KIF16B: variants seen among roughly 807,000 people sequenced by gnomAD.
KIF16B encodes the protein kinesin family member 16B, also known as kinesin-like protein KIF16B.
In KIF16B, 98 loss-of-function variants were observed where a neutral mutation model predicts 156.3. That is an observed-to-expected ratio of 0.63 (90% confidence interval 0.53 to 0.74). The LOEUF (loss-of-function observed/expected upper bound fraction) is 0.74, where lower values mean the gene tolerates loss of function less well. Among genes scored for constraint, KIF16B ranks in the 30% least tolerant of loss-of-function variants. The pLI, the probability that KIF16B is intolerant of heterozygous loss-of-function variation, is 0.00. For missense variants in KIF16B, 1,421 were observed against 1,606.5 expected (o/e 0.88, Z 1.97); for synonymous variants, 564 against 583.7 (o/e 0.97, Z 0.49).
At chr20:16,538,088 A>G (rs2070050738) in intron 1 of KIF16B, among the ~76,000 whole-genome samples, 1 of 152,024 alleles carries the variant, frequency 6.6e-6, no homozygotes, top group Non-Finnish European at 1.5e-5. Context: ...ACACCCCCTC[A>G]TACACCTACC....
rs900146565 is a variant in KIF16B, at chr20:16,463,322, A to T, written c.1302+30969T>A. On this transcript the variant is annotated intron_variant, in intron 12 of 25. Coordinates refer to ENST00000354981, the MANE Select transcript of KIF16B (RefSeq NM_024704.5). ...AATGATGCTGCTTCAGAACCACAAA[A>T]CATGTTGAAGGCAGTTTCCTTATTT... 2.6e-5 allele frequency among the ~76,000 whole-genome samples: 4 copies of T among 152,168 alleles called. No homozygotes were observed. The East Asian group carries it at 7.7e-4, about 29-fold the overall frequency.
intron 1 of KIF16B, among the ~76,000 whole-genome samples, chr20:16,572,273 G>A (rs1346464938): frequency 6.6e-6 from 1 of 152,188 alleles, no homozygotes; most frequent in African/African-American, 2.4e-5. Context: ...TTGATTTTAT[G>A]GCCTTCGGCT....
At position 16,379,348 on chromosome 20, in the gene KIF16B, A is replaced by G. The variant is rs1290460524; in HGVS notation, c.2654T>C (p.Val885Ala). 5.0e-6 allele frequency: 8 copies of G among 1,604,196 alleles called. No homozygotes were observed. Among genetic ancestry groups the G allele is most frequent in the Non-Finnish European group, 6.8e-6 (8 of 1,176,058 alleles). Residue 885 changes from valine (V) to alanine (A), a missense_variant, in exon 19 of 26, where the codon GTC becomes GCC. Transcript: ENST00000354981. ...LEKHDESVTD[V>A]TEVPQDFEKI... Reference sequence around the variant, plus strand: ...CTCGAAATCTTGAGGCACTTCCGTGACATCTGTGACACTCTCATCATGTTT... The same window carrying G: ...CTCGAAATCTTGAGGCACTTCCGTGGCATCTGTGACACTCTCATCATGTTT...
In KIF16B at chr20:16,288,664, G is replaced by T. The variant is rs564914130; in HGVS notation, c.3796-15253C>A. Among the ~76,000 whole-genome samples, 38 of 150,152 alleles carry T rather than the reference G, an allele frequency of 2.5e-4. 1 individual carries two copies. Among genetic ancestry groups the T allele is most frequent in the African/African-American group, 8.8e-4 (36 of 40,724 alleles). On this transcript the variant is annotated intron_variant, in intron 25 of 25. Transcript: ENST00000354981. ...AAACACAGTATGTACTGATGATAAG[G>T]TTATTGGGATCCCATCATAAGTGGA...
chr20:16,392,365 G>A (rs1205164089), intron 17 of KIF16B, among the ~76,000 whole-genome samples: 1 of 152,172 alleles, frequency 6.6e-6, no homozygotes, highest in African/African-American at 2.4e-5. Flanking sequence ...AAATTATCCT[G>A]AAAAACCATT....
chr20:16,568,756 T>C (rs998679371), intron 1 of KIF16B, among the ~76,000 whole-genome samples: 4 of 135,690 alleles, frequency 2.9e-5, no homozygotes, highest in African/African-American at 1.1e-4. Context: ...AGGTTGAGGC[T>C]TCAGTGAGCC....
intron 17 of KIF16B, among the ~76,000 whole-genome samples, chr20:16,397,899 C>A (rs1056186229): frequency 6.6e-6 from 1 of 152,220 alleles, no homozygotes; most frequent in Non-Finnish European, 1.5e-5. Flanking sequence ...GCTGAGAGCA[C>A]ATGTGCTGGC....
At chr20:16,323,783 T>C (rs2063804421) in intron 24 of KIF16B, among the ~76,000 whole-genome samples, 1 of 151,866 alleles carries the variant, frequency 6.6e-6, no homozygotes, top group African/African-American at 2.4e-5. Context: ...CAGCCAGTGA[T>C]TAAAGTCAGA....
intron 7 of KIF16B, 118 bp downstream of exon 7, chr20:16,507,840 A>C (rs1429320046): frequency 9.6e-7 from 1 of 1,036,376 alleles, no homozygotes; most frequent in African/African-American, 1.6e-5. Context: ...AGAAAATGAC[A>C]GTCAGTCACC....
At chr20:16,292,554 C>A (rs2063328902) in intron 25 of KIF16B, among the ~76,000 whole-genome samples, 1 of 152,012 alleles carries the variant, frequency 6.6e-6, no homozygotes, top group Admixed American at 6.6e-5. Context: ...ATTTGGAAAA[C>A]AAGTCTGAAA....
Position 16,549,143 on chromosome 20 carries a change from A to T in KIF16B, c.48-20703T>A, listed in dbSNP as rs548446836. On this transcript the variant is annotated intron_variant, in intron 1 of 25. Coordinates refer to ENST00000354981, the MANE Select transcript of KIF16B (RefSeq NM_024704.5). ...CCATGCTGGTGCACTGCACCCACTAACTCGTCATCTAGCATTAGGTATATC... is the reference window on the plus strand; with the variant it reads ...CCATGCTGGTGCACTGCACCCACTATCTCGTCATCTAGCATTAGGTATATC... 3.4e-5 allele frequency among the ~76,000 whole-genome samples: 5 copies of T among 149,070 alleles called. No individual in the cohort carries two copies. In the East Asian group the frequency reaches 9.9e-4, roughly 30 times the overall value.
chr20:16,422,191 C>A (rs982155924), intron 15 of KIF16B, among the ~76,000 whole-genome samples: 1 of 152,070 alleles, frequency 6.6e-6, no homozygotes, highest in African/African-American at 2.4e-5. Flanking sequence ...TAAACAATTT[C>A]TTCTAACTAA....
intron 12 of KIF16B, among the ~76,000 whole-genome samples, chr20:16,489,831 T>C (rs1016197155): frequency 3.3e-5 from 5 of 151,706 alleles, no homozygotes; most frequent in Non-Finnish European, 7.4e-5. Flanking sequence ...AGCTCCCCGG[T>C]GATGTTGATG....
At chr20:16,353,452 C>A (rs2064378647) in intron 23 of KIF16B, among the ~76,000 whole-genome samples, 3 of 152,228 alleles carry the variant, frequency 2.0e-5, no homozygotes, top group African/African-American at 7.2e-5. Context: ...AGTAAACTCT[C>A]ACTCATCCCA....
intron 3 of KIF16B, among the ~76,000 whole-genome samples, chr20:16,525,595 T>C (rs2069510643): frequency 6.6e-6 from 1 of 152,238 alleles, no homozygotes; most frequent in South Asian, 2.1e-4. Flanking sequence ...AATTCCAGCA[T>C]CATTCTAGAC....
chr20:16,570,660 G>T (rs561839202), intron 1 of KIF16B, among the ~76,000 whole-genome samples: 3 of 152,148 alleles, frequency 2.0e-5, no homozygotes, highest in Admixed American at 6.5e-5. Flanking sequence ...CTGTTGGGAA[G>T]GTTATCAACT....
At chr20:16,419,553 C>G (rs990716785) in intron 15 of KIF16B, among the ~76,000 whole-genome samples, 3 of 152,134 alleles carry the variant, frequency 2.0e-5, no homozygotes, top group Non-Finnish European at 2.9e-5. Flanking sequence ...TATTTTGGCA[C>G]TCAAGCATAA....
chr20:16,367,200 A>G (rs1246729510), intron 22 of KIF16B: 2 of 1,611,790 alleles, frequency 1.2e-6, no homozygotes, highest in African/African-American at 1.3e-5. Context: ...GAGAATTGAA[A>G]GTAAGTTTCC....
intron 15 of KIF16B, among the ~76,000 whole-genome samples, chr20:16,423,832 A>G (rs887473199): frequency 6.6e-6 from 1 of 152,036 alleles, no homozygotes; most frequent in African/African-American, 2.4e-5. Flanking sequence ...GACTCCATAC[A>G]GGATTCACTG....
Sources: allele counts gnomAD v4.1 joint callset (sites outside exome capture counted in the v4.1 genomes callset), GRCh38; gene constraint gnomAD v4.1.1; transcripts MANE v1.5; gene names NCBI Gene and HGNC (gene_info 2026-07-23, HGNC 2026-07-21).